The following L3MBTL4 variants were observed in gnomAD, a reference collection of about 807,000 sequenced individuals.
L3MBTL4 encodes the protein lethal(3)malignant brain tumor-like protein 4.
L3MBTL4 carries 70 observed loss-of-function variants against 84.5 expected under a neutral mutation model. The ratio of observed to expected loss-of-function variants is 0.83; its 90% confidence interval spans 0.68 to 1.01. L3MBTL4 has a LOEUF of 1.01. L3MBTL4 is among the 50% of genes least tolerant of loss of function. The pLI, the probability that L3MBTL4 is intolerant of heterozygous loss-of-function variation, is 0.00. For missense variants in L3MBTL4, 715 were observed against 754.8 expected (o/e 0.95, Z 0.62); for synonymous variants, 274 against 259.8 (o/e 1.05, Z -0.52).
At chr18:6,104,604 G>T (rs1306212795) in intron 14 of L3MBTL4, among the ~76,000 whole-genome samples, 1 of 152,146 alleles carries the variant, frequency 6.6e-6, no homozygotes, top group Non-Finnish European at 1.5e-5. Flanking sequence ...CTGTTCAACA[G>T]GTATAAAGTT....
intron 1 of L3MBTL4, among the ~76,000 whole-genome samples, chr18:6,320,754 T>C (rs1158889085): frequency 6.6e-6 from 1 of 152,112 alleles, no homozygotes. Context: ...CTAAAATTCA[T>C]ATGGAACCAA....
At chr18:6,322,270 C>G (rs1387898022) in intron 1 of L3MBTL4, among the ~76,000 whole-genome samples, 1 of 151,236 alleles carries the variant, frequency 6.6e-6, no homozygotes, top group Non-Finnish European at 1.5e-5. Flanking sequence ...CATTGGAGGT[C>G]AAGACTTCAG....
chr18:6,363,295 C>A (rs1275228745), intron 1 of L3MBTL4, among the ~76,000 whole-genome samples: 1 of 152,148 alleles, frequency 6.6e-6, no homozygotes, highest in Non-Finnish European at 1.5e-5. Context: ...GGGGCAGCCC[C>A]TGATGGCTCA....
At chr18:6,099,811 A>C (rs1172963984) in intron 14 of L3MBTL4, among the ~76,000 whole-genome samples, 1 of 151,738 alleles carries the variant, frequency 6.6e-6, no homozygotes, top group African/African-American at 2.4e-5. Context: ...AATGCTTTTT[A>C]AAGTTTCATA....
At chr18:6,099,457 G>A (rs915981030) in intron 14 of L3MBTL4, among the ~76,000 whole-genome samples, 15 of 150,912 alleles carry the variant, frequency 9.9e-5, no homozygotes, top group African/African-American at 3.6e-4. Context: ...TATGGACTGG[G>A]AAGTAAGAGC....
At chr18:5,993,554 C>T (rs519112) in intron 16 of L3MBTL4, among the ~76,000 whole-genome samples, 42,214 of 151,786 alleles carry the variant, frequency 0.28, 7,121 homozygotes, top group East Asian at 0.52. Flanking sequence ...AGTTTTTTTT[C>T]CCATTATTTT....
At chr18:6,059,410 C>G (rs1345310011) in intron 16 of L3MBTL4, among the ~76,000 whole-genome samples, 1 of 152,146 alleles carries the variant, frequency 6.6e-6, no homozygotes, top group African/African-American at 2.4e-5. Context: ...TTTACAATTT[C>G]AAAATATTTT....
At chr18:6,400,446 G>T (rs1182067029) in intron 1 of L3MBTL4, among the ~76,000 whole-genome samples, 1 of 152,166 alleles carries the variant, frequency 6.6e-6, no homozygotes. Context: ...GTCTTACCTT[G>T]TCATCCAGGC....
At chr18:6,226,221 A>C (rs1027091021) in intron 10 of L3MBTL4, among the ~76,000 whole-genome samples, 3 of 152,124 alleles carry the variant, frequency 2.0e-5, no homozygotes, top group Non-Finnish European at 4.4e-5. Flanking sequence ...AGCCTGGCCA[A>C]CATGGCGAAA....
intron 4 of L3MBTL4, among the ~76,000 whole-genome samples, chr18:6,291,588 T>A (rs539563025): frequency 3.3e-5 from 5 of 151,968 alleles, no homozygotes; most frequent in African/African-American, 1.2e-4. Context: ...ACCAAGAACA[T>A]ACAATGGGGA....
chr18:6,010,144 A>C (rs2054669491), intron 16 of L3MBTL4, among the ~76,000 whole-genome samples: 1 of 151,826 alleles, frequency 6.6e-6, no homozygotes. Context: ...TTTTTTTTTA[A>C]GGTGGTAAAC....
chr18:6,099,052 C>A (rs888283854), intron 14 of L3MBTL4, among the ~76,000 whole-genome samples: 1 of 152,190 alleles, frequency 6.6e-6, no homozygotes, highest in African/African-American at 2.4e-5. Context: ...CACCATGTGG[C>A]CTCAGGTCCT....
intron 1 of L3MBTL4, among the ~76,000 whole-genome samples, chr18:6,345,502 C>A (rs139161070): frequency 6.6e-6 from 1 of 152,048 alleles, no homozygotes; most frequent in East Asian, 1.9e-4. Flanking sequence ...ATGAAACCAA[C>A]ATACAAAAAT....
chr18:6,345,283 G>A (rs2052833767), intron 1 of L3MBTL4, among the ~76,000 whole-genome samples: 1 of 148,412 alleles, frequency 6.7e-6, no homozygotes, highest in South Asian at 2.1e-4. Flanking sequence ...TGTAGTCCCA[G>A]CTATATGGGA....
At chr18:6,355,866 G>A (rs2143877658) in intron 1 of L3MBTL4, among the ~76,000 whole-genome samples, 1 of 151,186 alleles carries the variant, frequency 6.6e-6, no homozygotes, top group East Asian at 1.9e-4. Context: ...AAACAAAGCA[G>A]TGACCTCTGA....
chr18:5,971,175 T>C (rs766183584), intron 16 of L3MBTL4, among the ~76,000 whole-genome samples: 2 of 152,204 alleles, frequency 1.3e-5, no homozygotes, highest in Admixed American at 6.5e-5. Context: ...AAAGGCAGTA[T>C]GTTGGCAAAT....
chr18:6,383,177 T>A (rs1405274208), intron 1 of L3MBTL4, among the ~76,000 whole-genome samples: 1 of 152,062 alleles, frequency 6.6e-6, no homozygotes, highest in Non-Finnish European at 1.5e-5. Context: ...AGCTCAAGTG[T>A]CTCAGGTCGA....
intron 5 of L3MBTL4, among the ~76,000 whole-genome samples, chr18:6,248,901 C>T (rs60056438): frequency 2.2e-4 from 33 of 152,282 alleles, no homozygotes; most frequent in African/African-American, 7.2e-4. Context: ...TATGAATTGG[C>T]TTGTAAAATA....
At chr18:6,233,455 A>C (rs1488428831) in intron 10 of L3MBTL4, among the ~76,000 whole-genome samples, 1 of 149,982 alleles carries the variant, frequency 6.7e-6, no homozygotes, top group Non-Finnish European at 1.5e-5. Flanking sequence ...TTAAGCTGAC[A>C]AGCAACTTCA....
Sources: allele counts gnomAD v4.1 joint callset (sites outside exome capture counted in the v4.1 genomes callset), GRCh38; gene constraint gnomAD v4.1.1; transcripts MANE v1.5; gene names NCBI Gene and HGNC (gene_info 2026-07-23, HGNC 2026-07-21).